Variants in GATAD1 observed in about 807,000 individuals in gnomAD.
The protein encoded by GATAD1 is GATA zinc finger domain containing 1.
GATAD1 carries 12 observed loss-of-function variants against 26.5 expected under a neutral mutation model. The ratio of observed to expected loss-of-function variants is 0.45; its 90% CI spans 0.29 to 0.73. The LOEUF is 0.73. Ranked by LOEUF, GATAD1 falls within the 30% of genes least tolerant of loss-of-function variation. GATAD1 has a pLI of 0.10. For missense variants in GATAD1, 266 were observed against 342.1 expected, an observed-to-expected ratio of 0.78 and a Z score of 1.75; for synonymous variants, 129 against 133.1, an observed-to-expected ratio of 0.97 and a Z score of 0.21.
At chr7:92,455,217 T>G (rs1442589639) in intron 4 of GATAD1, among the ~76,000 whole-genome samples, 1 of 151,918 alleles carries the variant, frequency 6.6e-6, no homozygotes, top group Admixed American at 6.6e-5. Context: ...GTAGCTGGAG[T>G]GTGAGTGCTA....
chr7:92,491,592 C>CAAT, the GATAD1 span: 1 of 787,442 alleles, frequency 1.3e-6, no homozygotes. Flanking sequence ...TCTATTAGAG[C>CAAT]AATACAAGAA....
the GATAD1 span, chr7:92,493,238 G>C: frequency 3.1e-6 from 2 of 642,496 alleles, no homozygotes; most frequent in Admixed American, 6.1e-5. Flanking sequence ...TATCTAAAAA[G>C]CTTTATAAGT....
At position 92,456,374 on chromosome 7, in the gene GATAD1, C is replaced by T. The variant is rs139300784; in HGVS notation, c.622C>T (p.Pro208Ser). 1 of 1,601,238 alleles carries T rather than the reference C, an allele frequency of 6.2e-7. No homozygotes were observed. Among genetic ancestry groups the T allele is most frequent in the African/African-American group, 1.3e-5 (1 of 74,558 alleles). The change falls in exon 5 of 5, where the codon CCA becomes TCA. Residue 208 changes from proline (P) to serine (S), a missense_variant and splice_region_variant. Coordinates refer to ENST00000287957, the MANE Select transcript of GATAD1 (RefSeq NM_021167.5). ...QFDPASYIIG[P>S]EEDLPRKMEY... ...CCTTTCCCTTGGCTGCCTTCCAGGG[C>T]CAGAGGAAGATCTTCCAAGGAAGAT...
intron 3 of GATAD1, among the ~76,000 whole-genome samples, chr7:92,451,042 G>T (rs1789407926): frequency 6.6e-6 from 1 of 152,048 alleles, no homozygotes; most frequent in Admixed American, 6.6e-5. Flanking sequence ...AATGCTGATT[G>T]TATAGTGTGG....
At chr7:92,455,615 A>C (rs1043397663) in intron 4 of GATAD1, among the ~76,000 whole-genome samples, 1 of 152,306 alleles carries the variant, frequency 6.6e-6, no homozygotes, top group Admixed American at 6.5e-5. Context: ...GTTACTTCAG[A>C]CTTTTTATCT....
chr7:92,448,900 C>T, intron 2 of GATAD1, 23 bp downstream of exon 2: 2 of 1,601,732 alleles, frequency 1.2e-6, no homozygotes, highest in Non-Finnish European at 1.7e-6. Context: ...TGGACAGTGC[C>T]TTTTACTGTA....
At chr7:92,493,144 A>G in the GATAD1 span, 11 of 1,448,914 alleles carry the variant, frequency 7.6e-6, no homozygotes, top group Non-Finnish European at 1.1e-5. Flanking sequence ...AAGGAGAAAA[A>G]TTTATTTAAC....
chr7:92,483,269 G>A, the GATAD1 span, among the ~76,000 whole-genome samples: 1 of 152,212 alleles, frequency 6.6e-6, no homozygotes, highest in Non-Finnish European at 1.5e-5. Flanking sequence ...CCTGGGGGAG[G>A]TGGTCCTGGA....
At chr7:92,476,628 C>T in the GATAD1 span, among the ~76,000 whole-genome samples, 6 of 151,924 alleles carry the variant, frequency 3.9e-5, no homozygotes, top group Non-Finnish European at 8.8e-5. Context: ...CTCTCTCTCT[C>T]TTCTGTCTCT....
the GATAD1 span, among the ~76,000 whole-genome samples, chr7:92,478,733 A>T: frequency 6.6e-6 from 1 of 152,206 alleles, no homozygotes; most frequent in Admixed American, 6.5e-5. Context: ...TCCTTTTCTA[A>T]CAGAAAAGAC....
chr7:92,491,441 C>T, the GATAD1 span: 1 of 1,613,950 alleles, frequency 6.2e-7, no homozygotes, highest in Non-Finnish European at 8.5e-7. Context: ...AGAGCCACTG[C>T]TATGGTTAAG....
the GATAD1 span, chr7:92,489,463 G>T: frequency 1.9e-6 from 3 of 1,583,020 alleles, no homozygotes; most frequent in Non-Finnish European, 2.6e-6. Flanking sequence ...TTAAATTAAG[G>T]ATGTAAAAAA....
chr7:92,450,776 G>A lies in GATAD1; in HGVS notation c.435+16G>A, dbSNP rs771250518. ...CTTCTACAAGGTAAGCTTTTGTAGA[G>A]TTACTGAAGGAAGAGTTGGGCCTAG... On this transcript the variant is annotated intron_variant, in intron 3 of 4. Coordinates refer to ENST00000287957, the MANE Select transcript of GATAD1 (RefSeq NM_021167.5). 6.4e-7 allele frequency: 1 copy of A among 1,552,944 alleles called. No individual in the cohort carries two copies. Among genetic ancestry groups the A allele is most frequent in the South Asian group, 1.1e-5 (1 of 89,728 alleles).
the GATAD1 span, among the ~76,000 whole-genome samples, chr7:92,468,052 T>C: frequency 6.6e-6 from 1 of 152,180 alleles, no homozygotes; most frequent in Non-Finnish European, 1.5e-5. Flanking sequence ...CTTGGCCTTA[T>C]GGATTCAAGG....
chr7:92,450,547 A>G, intron 2 of GATAD1, 154 bp from the exon 3 acceptor site: 1 of 565,972 alleles, frequency 1.8e-6, no homozygotes, highest in Non-Finnish European at 3.1e-6. Context: ...CTTTGCCACA[A>G]CATTCAGAAA....
the GATAD1 span, among the ~76,000 whole-genome samples, chr7:92,481,289 T>C: frequency 5.9e-5 from 9 of 152,262 alleles, no homozygotes; most frequent in Non-Finnish European, 1.2e-4. Context: ...GGAGGCCAGA[T>C]TGAAGTCTGG....
the GATAD1 span, among the ~76,000 whole-genome samples, chr7:92,484,796 C>T: frequency 1.3e-5 from 2 of 152,270 alleles, no homozygotes; most frequent in African/African-American, 4.8e-5. Context: ...GGACAGGGGA[C>T]TGGTCTCCTG....
chr7:92,474,282 G>A, the GATAD1 span, among the ~76,000 whole-genome samples: 1 of 152,228 alleles, frequency 6.6e-6, no homozygotes. Flanking sequence ...TTTTTCTAAT[G>A]TCTGCAGCTG....
At chr7:92,463,196 T>A (rs1292932479), downstream of GATAD1, among the ~76,000 whole-genome samples, 1 of 152,206 alleles carries the variant, frequency 6.6e-6, no homozygotes, top group African/African-American at 2.4e-5. Flanking sequence ...GCAAATTATG[T>A]CATAGATACA....
Sources: gnomAD v4.1 joint callset for allele counts (sites outside exome capture counted in the v4.1 genomes callset) on GRCh38, gnomAD v4.1.1 for gene constraint, MANE v1.5 for transcripts, NCBI Gene and HGNC (gene_info 2026-07-23, HGNC 2026-07-21) for gene names.